Variants in VWA8 observed in about 807,000 individuals in gnomAD.
VWA8 encodes the protein von Willebrand factor A domain-containing protein 8.
A neutral mutation model predicts 241.5 loss-of-function variants in VWA8; 221 were observed. That is an observed-to-expected ratio of 0.91 (90% CI 0.82 to 1.02). VWA8 has a LOEUF of 1.02. VWA8 is among the 50% of genes least tolerant of loss of function. The pLI is 0.00. For missense variants in VWA8, 2,322 were observed against 2,328.7 expected, an observed-to-expected ratio of 1.00 and a Z score of 0.06; for synonymous variants, 852 against 827.1, an observed-to-expected ratio of 1.03 and a Z score of -0.52.
chr13:41,761,265 C>A (rs958979125), intron 20 of VWA8, 61 bp from the exon 21 acceptor site: 1 of 1,498,638 alleles, frequency 6.7e-7, no homozygotes, highest in South Asian at 1.2e-5. Context: ...AAGCTTATGC[C>A]AAATCAGAAG....
At chr13:41,845,565 T>C (rs1194736752) in intron 12 of VWA8, among the ~76,000 whole-genome samples, 3 of 151,730 alleles carry the variant, frequency 2.0e-5, no homozygotes, top group African/African-American at 7.3e-5. Flanking sequence ...GGAAGCAAAC[T>C]AGATGCACAT....
At chr13:41,641,844 T>A (rs1385097876) in intron 37 of VWA8, among the ~76,000 whole-genome samples, 1 of 151,860 alleles carries the variant, frequency 6.6e-6, no homozygotes, top group Non-Finnish European at 1.5e-5. Flanking sequence ...AAACCTTTCC[T>A]TGGTATGCAC....
At chr13:41,627,518 C>G (rs143728789) in intron 37 of VWA8, among the ~76,000 whole-genome samples, 125 of 152,260 alleles carry the variant, frequency 8.2e-4, no homozygotes, top group African/African-American at 2.8e-3. Flanking sequence ...GTAAAAAAAG[C>G]TTTTTATGGT....
In VWA8 at chr13:41,758,283, C is replaced by A. The variant is rs536058179; in HGVS notation, c.2426+2845G>T. Among the ~76,000 whole-genome samples, 50 of 148,554 alleles carry A rather than the reference C, an allele frequency of 3.4e-4. 1 individual carries two copies. The South Asian group carries it at 0.011, about 32-fold the overall frequency. ...AGCAAATTTAAAATTTGCATATATT[C>A]TGTTAAATTAATTTATTCCTAAATA... On this transcript the variant is annotated intron_variant, in intron 21 of 44. Coordinates refer to ENST00000379310, the MANE Select transcript of VWA8 (RefSeq NM_015058.2).
chr13:41,646,273 C>T lies in VWA8; in HGVS notation c.4611+24673G>A, dbSNP rs144833094. On this transcript the variant is annotated intron_variant, in intron 37 of 44. Transcript: ENST00000379310. ...GAGCCACCACGCCCGGCCAAATTTTCCTGATTTTTATGTGTAGGGTTGAAC... is the reference window on the plus strand; with the variant it reads ...GAGCCACCACGCCCGGCCAAATTTTTCTGATTTTTATGTGTAGGGTTGAAC... 4.3e-3 allele frequency among the ~76,000 whole-genome samples: 647 copies of T among 152,108 alleles called. 3 individuals carry two copies. The highest frequency in any genetic ancestry group is 0.012 in the South Asian group (58 of 4,818).
chr13:41,751,838 A>G (rs1367939294), intron 21 of VWA8, among the ~76,000 whole-genome samples: 1 of 152,230 alleles, frequency 6.6e-6, no homozygotes, highest in Non-Finnish European at 1.5e-5. Context: ...TATACATAGA[A>G]TTAACCTTAA....
chr13:41,723,786 GA>G (rs1049602155), intron 24 of VWA8, among the ~76,000 whole-genome samples: 2 of 85,474 alleles, frequency 2.3e-5, no homozygotes, highest in Non-Finnish European at 6.5e-5. Flanking sequence ...TATTGAACTG[GA>G]AGCTGGATAT....
chr13:41,727,145 A>G, intron 24 of VWA8, 49 bp downstream of exon 24: 4 of 1,403,008 alleles, frequency 2.9e-6, no homozygotes, highest in Non-Finnish European at 3.9e-6. Context: ...AGTGTTACTA[A>G]TATTATTATT....
At chr13:41,803,738 A>G (rs1480409089) in intron 17 of VWA8, among the ~76,000 whole-genome samples, 1 of 152,232 alleles carries the variant, frequency 6.6e-6, no homozygotes, top group Non-Finnish European at 1.5e-5. Flanking sequence ...GTGACCTTAA[A>G]GAAAGAATGG....
chr13:41,928,569 A>G (rs571453873), intron 2 of VWA8, among the ~76,000 whole-genome samples: 1 of 152,342 alleles, frequency 6.6e-6, no homozygotes, highest in East Asian at 1.9e-4. Context: ...GAAACACAGC[A>G]TGCCAAAACC....
chr13:41,806,745 G>T (rs1258755815), intron 17 of VWA8, among the ~76,000 whole-genome samples: 5 of 152,018 alleles, frequency 3.3e-5, no homozygotes, highest in Non-Finnish European at 7.4e-5. Context: ...GAGTGTGGTG[G>T]CACATGCCTG....
At chr13:41,950,571 T>C (rs1878084183) in intron 1 of VWA8, among the ~76,000 whole-genome samples, 1 of 151,938 alleles carries the variant, frequency 6.6e-6, no homozygotes, top group South Asian at 2.1e-4. Flanking sequence ...GGTTTCACCA[T>C]GTTAGCCAGG....
At chr13:41,737,979 A>C (rs1414249794) in intron 21 of VWA8, among the ~76,000 whole-genome samples, 1 of 152,126 alleles carries the variant, frequency 6.6e-6, no homozygotes, top group Non-Finnish European at 1.5e-5. Context: ...CAGTTTGGTC[A>C]ATCTCCTAAC....
intron 21 of VWA8, among the ~76,000 whole-genome samples, chr13:41,744,660 G>A (rs970089847): frequency 3.8e-4 from 58 of 152,160 alleles, no homozygotes; most frequent in Non-Finnish European, 6.6e-4. Context: ...AGGTATCTTC[G>A]TCACTCTGTC....
intron 42 of VWA8, among the ~76,000 whole-genome samples, chr13:41,585,226 T>C (rs757219390): frequency 7.2e-5 from 11 of 152,224 alleles, no homozygotes; most frequent in Non-Finnish European, 1.6e-4. Context: ...GAGATCTTTC[T>C]ATACACTCGG....
At chr13:41,636,007 T>C (rs768889047) in intron 37 of VWA8, among the ~76,000 whole-genome samples, 1 of 152,144 alleles carries the variant, frequency 6.6e-6, no homozygotes, top group Non-Finnish European at 1.5e-5. Flanking sequence ...AGGTTTATGA[T>C]CATAAAATAC....
chr13:41,669,616 G>A (rs1477544434), intron 37 of VWA8, among the ~76,000 whole-genome samples: 4 of 152,088 alleles, frequency 2.6e-5, no homozygotes, highest in African/African-American at 4.8e-5. Context: ...AAGTTCTATC[G>A]TGAAAAATAA....
intron 37 of VWA8, among the ~76,000 whole-genome samples, chr13:41,669,738 C>A (rs950885411): frequency 6.6e-6 from 1 of 152,048 alleles, no homozygotes; most frequent in Non-Finnish European, 1.5e-5. Flanking sequence ...GTAATGAGAA[C>A]AAGAGCTTAA....
At chr13:41,573,959 A>G (rs1405078649) in intron 43 of VWA8, among the ~76,000 whole-genome samples, 3 of 152,150 alleles carry the variant, frequency 2.0e-5, no homozygotes, top group Non-Finnish European at 2.9e-5. Context: ...AAATAACTAA[A>G]AGAGTTCAAC....
Sources: gnomAD v4.1 joint callset for allele counts (sites outside exome capture counted in the v4.1 genomes callset) on GRCh38, gnomAD v4.1.1 for gene constraint, MANE v1.5 for transcripts, NCBI Gene and HGNC (gene_info 2026-07-23, HGNC 2026-07-21) for gene names.